The following NTM variants were observed in gnomAD, a reference collection of about 807,000 sequenced individuals.
The protein encoded by NTM is neurotrimin.
In NTM, 13 loss-of-function variants were observed where a neutral mutation model predicts 42.1. The observed-to-expected ratio is 0.31, with a 90% CI of 0.20 to 0.49. The LOEUF is 0.49. Among genes scored for constraint, NTM ranks in the 20% least tolerant of loss-of-function variants. NTM has a pLI of 0.99. For synonymous variants in NTM, 187 were observed against 179.2 expected (o/e 1.04, Z -0.35); for missense variants, 373 against 452.8 (o/e 0.82, Z 1.60).
chr11:132,166,858 A>G (rs74954142), intron 3 of NTM, among the ~76,000 whole-genome samples: 18,358 of 152,136 alleles, frequency 0.12, 1,359 homozygotes, highest in East Asian at 0.34. Flanking sequence ...CTGCCTCACA[A>G]TCTCATAGCA....
Position 131,968,558 on chromosome 11 carries a change from C to G in NTM, c.167+56910C>G, listed in dbSNP as rs74879332. On this transcript the variant is annotated intron_variant, in intron 2 of 8. Coordinates refer to ENST00000683400, the MANE Select transcript of NTM (RefSeq NM_001352005.2). ...GGATGCCCATTTCTGTGTCTCTTGC[C>G]TGATCTTGAAATTACCCATCTTGCC... Among the ~76,000 whole-genome samples the G allele has an allele frequency of 4.9e-3, 746 of 152,282 alleles. 8 individuals are homozygous for G. Among genetic ancestry groups the G allele is most frequent in the African/African-American group, 0.017 (707 of 41,558 alleles).
chr11:131,750,989 C>T (rs1425030668), intron 1 of NTM, among the ~76,000 whole-genome samples: 1 of 152,154 alleles, frequency 6.6e-6, no homozygotes, highest in Non-Finnish European at 1.5e-5. Context: ...CTGAGACTCC[C>T]ACATGGGGCT....
At chr11:131,521,148 C>A (rs1457290286) in intron 1 of NTM, among the ~76,000 whole-genome samples, 1 of 151,554 alleles carries the variant, frequency 6.6e-6, no homozygotes, top group Non-Finnish European at 1.5e-5. Flanking sequence ...TATGGTGAAA[C>A]CCCATCTTTA....
intron 1 of NTM, among the ~76,000 whole-genome samples, chr11:131,873,389 G>A (rs1019739988): frequency 8.6e-5 from 13 of 151,244 alleles, no homozygotes; most frequent in Admixed American, 6.6e-4. Context: ...GAGATACAGC[G>A]TTAGGAGAAA....
At chr11:131,782,196 T>C (rs1458872738) in intron 1 of NTM, among the ~76,000 whole-genome samples, 2 of 152,006 alleles carry the variant, frequency 1.3e-5, no homozygotes, top group African/African-American at 2.4e-5. Context: ...GAAACAGAGA[T>C]GAAAGAAAAG....
chr11:131,985,964 G>A lies in NTM; in HGVS notation c.167+74316G>A, dbSNP rs115091081. The stretch of plus-strand genomic sequence containing the variant: ...CTCCCTCCGCCCTCTAGGCAGCCCC[G>A]AAGTACCCAATAAGCACTTAATAAA... On this transcript the variant is annotated intron_variant, in intron 2 of 8. Transcript: ENST00000683400. Among the ~76,000 whole-genome samples the A allele has an allele frequency of 4.5e-3, 691 of 152,244 alleles. 10 individuals carry two copies. Among genetic ancestry groups the A allele is most frequent in the African/African-American group, 0.016 (648 of 41,550 alleles).
At chr11:131,885,473 C>T (rs75568460) in intron 1 of NTM, among the ~76,000 whole-genome samples, 3,188 of 152,170 alleles carry the variant, frequency 0.021, 231 homozygotes, top group East Asian at 0.2. Context: ...GATGGAGCAA[C>T]GTCTTCATTA....
chr11:131,660,754 C>T (rs1565388634), intron 1 of NTM: 3 of 722,196 alleles, frequency 4.2e-6, no homozygotes, highest in East Asian at 1.3e-4. Flanking sequence ...CGAAGGGAGA[C>T]TGGGCCCTGG....
chr11:131,592,977 A>G (rs770171819), intron 1 of NTM, among the ~76,000 whole-genome samples: 2 of 152,188 alleles, frequency 1.3e-5, no homozygotes, highest in East Asian at 1.9e-4. Flanking sequence ...TTGCAGACAC[A>G]GGCTATGCTG....
In NTM at chr11:132,095,961, C is replaced by A. The variant is rs145275270; in HGVS notation, c.168-50321C>A. Among the ~76,000 whole-genome samples the A allele has an allele frequency of 3.4e-3, 514 of 152,292 alleles. 5 individuals are homozygous for A. The highest frequency in any genetic ancestry group is 0.012 in the African/African-American group (500 of 41,564). On this transcript the variant is annotated intron_variant, in intron 2 of 8. Coordinates refer to ENST00000683400, the MANE Select transcript of NTM (RefSeq NM_001352005.2). ...TGATTAGTTCCAGTACTGACTACTG[C>A]CCTAACTGCTGCAGCATCCCGCTGT...
At chr11:131,816,622 C>A (rs1308920305) in intron 1 of NTM, among the ~76,000 whole-genome samples, 1 of 151,984 alleles carries the variant, frequency 6.6e-6, no homozygotes, top group Admixed American at 6.5e-5. Context: ...GTCTTGGAGA[C>A]CTGTCCCCAA....
intron 4 of NTM, among the ~76,000 whole-genome samples, chr11:132,262,229 C>T (rs1229514324): frequency 6.6e-6 from 1 of 152,178 alleles, no homozygotes; most frequent in Non-Finnish European, 1.5e-5. Flanking sequence ...TTAGCAGCTG[C>T]CTGATTTGTC....
At chr11:131,574,957 G>C (rs527351153) in intron 1 of NTM, among the ~76,000 whole-genome samples, 1 of 152,202 alleles carries the variant, frequency 6.6e-6, no homozygotes, top group Admixed American at 6.5e-5. Context: ...CCCCTACTTG[G>C]CTGTGGCCTG....
At chr11:132,058,397 G>T (rs193134848) in intron 2 of NTM, among the ~76,000 whole-genome samples, 1 of 152,160 alleles carries the variant, frequency 6.6e-6, no homozygotes, top group African/African-American at 2.4e-5. Context: ...TCTGCCCTGC[G>T]AAGCGGATTA....
At chr11:132,066,324 T>G (rs1668612531) in intron 2 of NTM, among the ~76,000 whole-genome samples, 1 of 152,192 alleles carries the variant, frequency 6.6e-6, no homozygotes, top group Non-Finnish European at 1.5e-5. Context: ...TGCTTACGTC[T>G]TTATTGTTGT....
intron 1 of NTM, among the ~76,000 whole-genome samples, chr11:131,656,031 C>G (rs1240531633): frequency 6.6e-6 from 1 of 152,202 alleles, no homozygotes; most frequent in Non-Finnish European, 1.5e-5. Flanking sequence ...GTCAGTTCCC[C>G]CTGCTTTTCC....
chr11:131,804,123 A>G (rs1191735444), intron 1 of NTM, among the ~76,000 whole-genome samples: 1 of 152,170 alleles, frequency 6.6e-6, no homozygotes, highest in Non-Finnish European at 1.5e-5. Flanking sequence ...CACCACCTGC[A>G]TCCTAGTTTG....
chr11:131,972,054 A>AAAAAAAAG (rs2063631367), intron 2 of NTM, among the ~76,000 whole-genome samples: 1 of 147,536 alleles, frequency 6.8e-6, no homozygotes, highest in Non-Finnish European at 1.5e-5. Flanking sequence ...AAAAAAAAAA[A>AAAAAAAAG]AAAAAAAAAT....
At chr11:132,136,552 C>T (rs1196853770) in intron 2 of NTM, among the ~76,000 whole-genome samples, 1 of 152,200 alleles carries the variant, frequency 6.6e-6, no homozygotes, top group East Asian at 1.9e-4. Context: ...CATGGCCACA[C>T]ATGTACATCA....
Sources: allele counts gnomAD v4.1 joint callset (sites outside exome capture counted in the v4.1 genomes callset), GRCh38; gene constraint gnomAD v4.1.1; transcripts MANE v1.5; gene names NCBI Gene and HGNC (gene_info 2026-07-23, HGNC 2026-07-21).